The following EPHB2 variants were observed in gnomAD, a reference collection of about 807,000 sequenced individuals.
EPHB2 encodes the protein EPH receptor B2, also known as ephrin type-B receptor 2.
EPHB2 carries 18 observed loss-of-function variants against 96.4 expected under a neutral mutation model. That is an observed-to-expected ratio of 0.19 (90% CI 0.13 to 0.28). EPHB2 has a LOEUF of 0.28. Among genes scored for constraint, EPHB2 ranks in the 10% least tolerant of loss-of-function variants. EPHB2 has a pLI of 1.00. For missense variants in EPHB2, 989 were observed against 1,355.4 expected, an observed-to-expected ratio of 0.73 and a Z score of 4.25; for synonymous variants, 506 against 534.1, an observed-to-expected ratio of 0.95 and a Z score of 0.72.
intron 1 of EPHB2, among the ~76,000 whole-genome samples, chr1:22,728,760 G>A (rs372081268): frequency 2.0e-5 from 3 of 152,146 alleles, no homozygotes; most frequent in Non-Finnish European, 2.9e-5. Context: ...CCCCAATCCC[G>A]AAGGGAAAAG....
In EPHB2 at chr1:22,710,915, G is replaced by A. The variant is rs1570126483; in HGVS notation, c.-68G>A. On this transcript the variant is annotated 5_prime_UTR_variant, in exon 1 of 16. Transcript: ENST00000374630. ...CCCCCCCTGGCCCCCCGAGCCCGGG[G>A]CGCGCGCTCCCGCCCGGGCCGTCCG... is the stretch of plus-strand genomic sequence containing the variant. 3 of 146,614 alleles carry A rather than the reference G, an allele frequency of 2.0e-5. No homozygotes were observed. The South Asian group carries it at 5.6e-4, about 27-fold the overall frequency. The allele number at this position is 146,614 out of a possible 1,614,324, so 9.1% of individuals were successfully genotyped here. A position where few individuals can be genotyped will look rare whatever the true frequency, so the allele number is the denominator to read the frequency against.
chr1:22,833,022 C>T (rs975041222), intron 3 of EPHB2, among the ~76,000 whole-genome samples: 1 of 147,304 alleles, frequency 6.8e-6, no homozygotes, highest in Admixed American at 6.9e-5. Flanking sequence ...CATATAAACA[C>T]ATAAAAATAC....
chr1:22,910,317 C>A lies in EPHB2; in HGVS notation c.2503-65C>A. 6 of 1,598,372 alleles carry A rather than the reference C, an allele frequency of 3.8e-6. No homozygotes were observed. The South Asian group carries it at 5.5e-5, about 15-fold the overall frequency. On this transcript the variant is annotated intron_variant, in intron 13 of 15. Transcript: ENST00000374630. ...TGCAATGTACTGGGGGTAAGATGGG[C>A]CTGGCAGAGGGTAGACGCCCTCAGC...
intron 1 of EPHB2, 85 bp from the exon 2 acceptor site, chr1:22,781,336 A>AT: frequency 5.3e-6 from 6 of 1,127,262 alleles, no homozygotes; most frequent in South Asian, 1.4e-5. Flanking sequence ...AAAAAAAAAA[A>AT]GAAGAAGAAG....
chr1:22,746,567 A>AG (rs1364425796), intron 1 of EPHB2, among the ~76,000 whole-genome samples: 5 of 152,196 alleles, frequency 3.3e-5, no homozygotes, highest in African/African-American at 9.7e-5. Context: ...TGTGTTCTGC[A>AG]GGGGGGAGAT....
intron 3 of EPHB2, among the ~76,000 whole-genome samples, chr1:22,827,219 C>T: frequency 6.6e-6 from 1 of 152,230 alleles, no homozygotes; most frequent in East Asian, 1.9e-4. Flanking sequence ...CTGGCTTCCC[C>T]AGATGAATGT....
chr1:22,766,920 T>C (rs982086712), intron 1 of EPHB2, among the ~76,000 whole-genome samples: 1 of 152,240 alleles, frequency 6.6e-6, no homozygotes, highest in African/African-American at 2.4e-5. Context: ...GGCAGGGCAC[T>C]GGGCCCAGCT....
At chr1:22,742,892 AC>A (rs774170295) in intron 1 of EPHB2, among the ~76,000 whole-genome samples, 1 of 149,202 alleles carries the variant, frequency 6.7e-6, no homozygotes, top group Non-Finnish European at 1.5e-5. Flanking sequence ...TTTATTATGA[AC>A]TTTTTTTTTT....
intron 3 of EPHB2, among the ~76,000 whole-genome samples, chr1:22,822,990 G>A (rs1350581084): frequency 6.6e-6 from 1 of 152,156 alleles, no homozygotes; most frequent in Non-Finnish European, 1.5e-5. Flanking sequence ...CCTAAGCTAG[G>A]AGCCACTGAG....
At position 22,874,808 on chromosome 1, in the gene EPHB2, G is replaced by A. The variant is rs544102447; in HGVS notation, c.1304-7551G>A. On this transcript the variant is annotated intron_variant, in intron 5 of 15. Transcript: ENST00000374630. Reference sequence around the variant, plus strand: ...GGAAAAAATAATAATAATGTCTCCTGGACCCAGTTTTTTGTTTTATTTTTT... The same window carrying A: ...GGAAAAAATAATAATAATGTCTCCTAGACCCAGTTTTTTGTTTTATTTTTT... 2.6e-5 allele frequency among the ~76,000 whole-genome samples: 4 copies of A among 152,180 alleles called. No homozygotes were observed. In the East Asian group the frequency reaches 7.7e-4, roughly 29 times the overall value.
intron 1 of EPHB2, among the ~76,000 whole-genome samples, chr1:22,745,532 A>G (rs921948884): frequency 1.2e-4 from 18 of 152,330 alleles, no homozygotes; most frequent in African/African-American, 1.7e-4. Flanking sequence ...CAAGCTGTAC[A>G]CTTAAGATCT....
intron 3 of EPHB2, among the ~76,000 whole-genome samples, chr1:22,814,267 A>G (rs548736943): frequency 6.6e-6 from 1 of 152,346 alleles, no homozygotes; most frequent in East Asian, 1.9e-4. Flanking sequence ...CCGAACTTGA[A>G]CATTGCTCAG....
intron 9 of EPHB2, among the ~76,000 whole-genome samples, chr1:22,904,467 A>T (rs1415568416): frequency 6.6e-6 from 1 of 152,180 alleles, no homozygotes; most frequent in Non-Finnish European, 1.5e-5. Flanking sequence ...CCATCTCAGG[A>T]GGTTACCAGA....
intron 3 of EPHB2, chr1:22,836,652 C>G (rs1645390174): frequency 6.6e-6 from 1 of 152,474 alleles, no homozygotes; most frequent in Admixed American, 6.5e-5. Context: ...CTAGCCCTCT[C>G]CCACCTTTTG....
At chr1:22,713,322 C>A (rs745967907) in intron 1 of EPHB2, among the ~76,000 whole-genome samples, 1 of 152,110 alleles carries the variant, frequency 6.6e-6, no homozygotes, top group Non-Finnish European at 1.5e-5. Flanking sequence ...TACTATGGGA[C>A]CCTGGGCCAG....
At chr1:22,741,696 A>AAAGAAAC (rs55743842) in intron 1 of EPHB2, among the ~76,000 whole-genome samples, 1 of 137,300 alleles carries the variant, frequency 7.3e-6, no homozygotes, top group Non-Finnish European at 1.6e-5. Context: ...AAACAAAAAA[A>AAAGAAAC]CAAAAAACCT....
intron 1 of EPHB2, among the ~76,000 whole-genome samples, chr1:22,711,939 G>A (rs1054241453): frequency 6.6e-6 from 1 of 152,240 alleles, no homozygotes; most frequent in Non-Finnish European, 1.5e-5. Flanking sequence ...AGTTAGTGCG[G>A]TCTGGGTGTG....
chr1:22,906,978 C>T lies in EPHB2; in HGVS notation c.2136+21C>T, dbSNP rs1201340688. 2 of 1,591,178 alleles carry T rather than the reference C, an allele frequency of 1.3e-6. No homozygotes were observed. The highest frequency in any genetic ancestry group is 1.7e-6 in the Non-Finnish European group (2 of 1,167,440). Reference sequence around the variant, plus strand: ...TCCGGGTAGGGGAAGCCAAGAGGGCCAGGGGCCCATGAATGGGGCAGGAAA... The same window carrying T: ...TCCGGGTAGGGGAAGCCAAGAGGGCTAGGGGCCCATGAATGGGGCAGGAAA... On this transcript the variant is annotated intron_variant, in intron 11 of 15. Transcript: ENST00000374630. This position sits in a 1 kb window ranked among gnomAD's most constrained non-coding sequence, Gnocchi z 4.8.
Position 22,906,139 on chromosome 1 carries a change from T to C in EPHB2, c.1888+30T>C. On this transcript the variant is annotated intron_variant, in intron 10 of 15. Transcript: ENST00000374630. The surrounding 1 kb of genome is among the most constrained non-coding windows in gnomAD (Gnocchi z 4.8). The stretch of plus-strand genomic sequence containing the variant: ...GTGGCTGGTACTCTCACATGTACTA[T>C]GACCTTAGCCATGGCTGGTGAGACC... 13 of 1,614,154 alleles carry C rather than the reference T, an allele frequency of 8.1e-6. No individual in the cohort carries two copies. The highest frequency in any genetic ancestry group is 1.1e-5 in the South Asian group (1 of 91,066).
Sources: gnomAD v4.1 joint callset for allele counts (sites outside exome capture counted in the v4.1 genomes callset) on GRCh38, gnomAD v4.1.1 for gene constraint, Gnocchi (gnomAD v3.1) non-coding constraint, MANE v1.5 for transcripts, NCBI Gene and HGNC (gene_info 2026-07-23, HGNC 2026-07-21) for gene names.